The following ATG10 variants were observed in gnomAD, a reference collection of about 807,000 sequenced individuals.
The protein encoded by ATG10 is autophagy related 10.
ATG10 carries 30 observed loss-of-function variants against 32.1 expected under a neutral mutation model. The observed-to-expected ratio is 0.94, with a 90% CI of 0.70 to 1.27. The LOEUF is 1.27. Among genes scored for constraint, ATG10 ranks in the 50% most tolerant of loss-of-function variants. The probability of loss-of-function intolerance (pLI) is 0.00; values close to 1 mark genes in which losing one functional copy is unlikely to be tolerated. For synonymous variants in ATG10, 87 were observed against 91.5 expected, an observed-to-expected ratio of 0.95 and a Z score of 0.28; for missense variants, 233 against 262.3, an observed-to-expected ratio of 0.89 and a Z score of 0.77.
chr5:82,142,746 A>G (rs973595371), intron 3 of ATG10, among the ~76,000 whole-genome samples: 5 of 152,198 alleles, frequency 3.3e-5, no homozygotes, highest in African/African-American at 1.2e-4. Context: ...CCAAGAGATA[A>G]TAAGGGCTTA....
intron 5 of ATG10, among the ~76,000 whole-genome samples, chr5:82,248,699 CTGT>C (rs1747130012): frequency 6.6e-6 from 1 of 152,114 alleles, no homozygotes; most frequent in Non-Finnish European, 1.5e-5. Context: ...AAGTCCACTT[CTGT>C]TGTTATTAAT....
chr5:82,031,398 G>A (rs113832120), intron 2 of ATG10, among the ~76,000 whole-genome samples: 9 of 152,296 alleles, frequency 5.9e-5, no homozygotes, highest in African/African-American at 2.2e-4. Flanking sequence ...TCAAGACCTT[G>A]GAGCAACACC....
At chr5:82,179,358 G>A (rs907348743) in intron 5 of ATG10, among the ~76,000 whole-genome samples, 12 of 152,002 alleles carry the variant, frequency 7.9e-5, no homozygotes, top group African/African-American at 2.9e-4. Context: ...AATGTATTAA[G>A]CAAATGAAAA....
At chr5:82,004,134 T>G (rs1005723049) in intron 2 of ATG10, among the ~76,000 whole-genome samples, 1 of 904 alleles carries the variant, frequency 1.1e-3, no homozygotes. Flanking sequence ...CAAGACTCCG[T>G]CTCAAAAAAA....
At chr5:82,168,682 C>T (rs1253386375) in intron 4 of ATG10, among the ~76,000 whole-genome samples, 2 of 152,122 alleles carry the variant, frequency 1.3e-5, no homozygotes, top group African/African-American at 4.8e-5. Context: ...GAAGGATGCT[C>T]ATGGAGAAAC....
At chr5:82,037,007 T>A (rs1053000911) in intron 2 of ATG10, among the ~76,000 whole-genome samples, 1 of 150,502 alleles carries the variant, frequency 6.6e-6, no homozygotes, top group Non-Finnish European at 1.5e-5. Context: ...GGTGTGTGCC[T>A]GTAATTCCAG....
chr5:82,136,833 C>T (rs571647314), intron 3 of ATG10, among the ~76,000 whole-genome samples: 1 of 152,274 alleles, frequency 6.6e-6, no homozygotes, highest in East Asian at 1.9e-4. Context: ...TTCTTCCCGT[C>T]AGTTTCAGGT....
At chr5:82,003,619 C>A (rs1261538050) in intron 2 of ATG10, among the ~76,000 whole-genome samples, 1 of 152,054 alleles carries the variant, frequency 6.6e-6, no homozygotes, top group Non-Finnish European at 1.5e-5. Flanking sequence ...CTTAAAAAAC[C>A]ATGTATTCAT....
At chr5:82,066,149 G>A (rs1763936896) in intron 3 of ATG10, among the ~76,000 whole-genome samples, 3 of 152,026 alleles carry the variant, frequency 2.0e-5, no homozygotes, top group African/African-American at 7.2e-5. Flanking sequence ...AGCCAACATT[G>A]CTTTGTATTT....
At chr5:82,240,943 G>A (rs1317426796) in intron 5 of ATG10, among the ~76,000 whole-genome samples, 1 of 152,068 alleles carries the variant, frequency 6.6e-6, no homozygotes, top group African/African-American at 2.4e-5. Context: ...GAGTATTTCA[G>A]CAACTTTCAT....
intron 4 of ATG10, among the ~76,000 whole-genome samples, chr5:82,176,739 A>T (rs547324006): frequency 1.3e-5 from 2 of 152,206 alleles, no homozygotes; most frequent in South Asian, 4.1e-4. Flanking sequence ...TTTAACTTGT[A>T]GCTAAACATG....
intron 3 of ATG10, among the ~76,000 whole-genome samples, chr5:82,099,407 T>C (rs187515627): frequency 1.7e-3 from 258 of 152,058 alleles, no homozygotes; most frequent in Non-Finnish European, 2.8e-3. Context: ...TAATCAGAAA[T>C]AAATACATTA....
intron 5 of ATG10, among the ~76,000 whole-genome samples, chr5:82,201,466 G>C (rs1040070639): frequency 6.6e-6 from 1 of 152,118 alleles, no homozygotes; most frequent in Non-Finnish European, 1.5e-5. Context: ...CCATATTTGA[G>C]TGGGTCTATT....
chr5:82,160,037 T>C (rs887609518), intron 3 of ATG10, among the ~76,000 whole-genome samples: 1 of 152,178 alleles, frequency 6.6e-6, no homozygotes, highest in Non-Finnish European at 1.5e-5. Context: ...CAGTTTTACT[T>C]GTACTCATTG....
At chr5:82,156,957 A>G (rs1249992816) in intron 3 of ATG10, among the ~76,000 whole-genome samples, 1 of 152,170 alleles carries the variant, frequency 6.6e-6, no homozygotes, top group Non-Finnish European at 1.5e-5. Flanking sequence ...AGCTCCAGGC[A>G]CTAGCTGTCT....
intron 3 of ATG10, among the ~76,000 whole-genome samples, chr5:82,079,277 T>TGG (rs1252789868): frequency 6.6e-6 from 1 of 151,920 alleles, no homozygotes; most frequent in Non-Finnish European, 1.5e-5. Context: ...TAGGGAGGCC[T>TGG]CACAATCATG....
At chr5:82,232,145 C>T (rs1176183524) in intron 5 of ATG10, among the ~76,000 whole-genome samples, 1 of 152,054 alleles carries the variant, frequency 6.6e-6, no homozygotes, top group Non-Finnish European at 1.5e-5. Flanking sequence ...CAGGGGTGTG[C>T]CGCAACACAC....
rs1554039351 is a variant in ATG10 at position 81,993,369 on chromosome 5, T to TTTCTTTCTTTCCTTC, written c.108+5693_108+5694insCTTTCTTTCCTTCTT. Among the ~76,000 whole-genome samples the TTTCTTTCTTTCCTTC allele has an allele frequency of 2.6e-4, 10 of 38,042 alleles. 1 individual carries two copies. Among genetic ancestry groups the TTTCTTTCTTTCCTTC allele is most frequent in the African/African-American group, 1.1e-3 (9 of 7,988 alleles). The allele number at this position is 38,042 out of a possible 152,430, so 25.0% of individuals were successfully genotyped here. ...TTTCTTTCTTTCTTTCCTTCTTTTCTTTTCTTTTCTTTTCTTTTCTTTTTT... is the reference window on the plus strand; with the variant it reads ...TTTCTTTCTTTCTTTCCTTCTTTTCTTTCTTTCTTTCCTTCTTTCTTTTCTTTTCTTTTCTTTTTT... On this transcript the variant is annotated intron_variant, in intron 2 of 7. Transcript: ENST00000282185.
chr5:82,034,586 T>G (rs1374038170), intron 2 of ATG10, among the ~76,000 whole-genome samples: 1 of 152,186 alleles, frequency 6.6e-6, no homozygotes, highest in Non-Finnish European at 1.5e-5. Context: ...AAATCAAAGC[T>G]TTAACCATGG....
Sources: allele counts gnomAD v4.1 joint callset (sites outside exome capture counted in the v4.1 genomes callset), GRCh38; gene constraint gnomAD v4.1.1; transcripts MANE v1.5; gene names NCBI Gene and HGNC (gene_info 2026-07-23, HGNC 2026-07-21).